Variants in DPP6 observed in about 807,000 individuals in gnomAD.
DPP6 encodes dipeptidyl peptidase like 6.
In DPP6, 69 loss-of-function variants were observed where a neutral mutation model predicts 122.6. The ratio of observed to expected loss-of-function variants is 0.56; its 90% CI spans 0.46 to 0.69. The LOEUF (loss-of-function observed/expected upper bound fraction) is 0.69. Ranked by LOEUF, DPP6 falls within the 30% of genes least tolerant of loss-of-function variation. DPP6 has a pLI of 0.00. For synonymous variants in DPP6, 418 were observed against 433.1 expected (o/e 0.97, Z 0.43); for missense variants, 928 against 1,116.9 (o/e 0.83, Z 2.41).
At chr7:154,759,940 GGT>G (rs1795422959) in intron 8 of DPP6, among the ~76,000 whole-genome samples, 1 of 152,202 alleles carries the variant, frequency 6.6e-6, no homozygotes, top group Non-Finnish European at 1.5e-5. Flanking sequence ...AGGCCAATAT[GGT>G]GAAACCCCAT....
chr7:154,396,341 A>G (rs1025022085), intron 1 of DPP6, among the ~76,000 whole-genome samples: 14 of 151,574 alleles, frequency 9.2e-5, no homozygotes, highest in African/African-American at 2.7e-4. Context: ...TTTAAACTCT[A>G]TTTAACTCCT....
intron 8 of DPP6, among the ~76,000 whole-genome samples, chr7:154,748,452 G>T (rs1587010458): frequency 1.3e-5 from 2 of 152,226 alleles, no homozygotes; most frequent in Admixed American, 1.3e-4. Context: ...TGCTCCTGGT[G>T]AGCTAGAGCC....
chr7:154,472,437 C>T (rs1420183765), intron 2 of DPP6, among the ~76,000 whole-genome samples: 1 of 134,836 alleles, frequency 7.4e-6, no homozygotes, highest in Non-Finnish European at 1.7e-5. Context: ...CAGCCTCTTT[C>T]CTTCAGCAAG....
At chr7:154,557,438 C>G (rs945223466) in intron 4 of DPP6, among the ~76,000 whole-genome samples, 2 of 152,164 alleles carry the variant, frequency 1.3e-5, no homozygotes, top group African/African-American at 4.8e-5. Flanking sequence ...TGTTGCCACT[C>G]TTGTAACAGC....
chr7:154,314,945 T>C (rs548628909), intron 1 of DPP6, among the ~76,000 whole-genome samples: 2 of 152,232 alleles, frequency 1.3e-5, no homozygotes, highest in East Asian at 3.9e-4. Flanking sequence ...TCAAACCTAC[T>C]GCGGTTTTTC....
rs146742986 is a variant in DPP6, at chr7:154,707,014, T to C, written c.763-20753T>C. ...TTAGATTATCTACAAGCATTTCTCT[T>C]TCTTGGCACTACACTCTGCCCTTTG... On this transcript the variant is annotated intron_variant, in intron 7 of 25. Transcript: ENST00000377770. Among the ~76,000 whole-genome samples the C allele has an allele frequency of 1.5e-3, 229 of 152,348 alleles. 2 individuals are homozygous for C. The highest frequency in any genetic ancestry group is 5.0e-3 in the African/African-American group (209 of 41,584).
At chr7:154,344,732 C>A (rs1586005866) in intron 1 of DPP6, among the ~76,000 whole-genome samples, 1 of 152,136 alleles carries the variant, frequency 6.6e-6, no homozygotes, top group East Asian at 1.9e-4. Context: ...ACTAAAAATA[C>A]AAAAAATTAG....
At chr7:154,692,001 T>C (rs1373716312) in intron 7 of DPP6, among the ~76,000 whole-genome samples, 3 of 119,980 alleles carry the variant, frequency 2.5e-5, no homozygotes, top group Admixed American at 8.7e-5. Flanking sequence ...CCTCACTGGA[T>C]TGATGATGTG....
intron 1 of DPP6, among the ~76,000 whole-genome samples, chr7:154,261,753 AG>A (rs751347700): frequency 5.3e-5 from 8 of 152,354 alleles, no homozygotes; most frequent in Non-Finnish European, 1.2e-4. Context: ...AATTCCCAAA[AG>A]AAGATATACA....
chr7:154,483,771 T>G lies in DPP6; in HGVS notation c.457+8734T>G, dbSNP rs191262917. On this transcript the variant is annotated intron_variant, in intron 3 of 25. Coordinates refer to ENST00000377770, the MANE Select transcript of DPP6 (RefSeq NM_130797.4). This position sits in a 1 kb window ranked among gnomAD's most constrained non-coding sequence, Gnocchi z 8.1. ...GTGCAGTGGCACAATCTTGGCTCAC[T>G]GCAACCTCCACCTCCCGGGTTCAAG... 2.0e-5 allele frequency among the ~76,000 whole-genome samples: 3 copies of G among 152,358 alleles called. No individual in the cohort carries two copies. Among genetic ancestry groups the G allele is most frequent in the East Asian group, 3.9e-4 (2 of 5,190 alleles).
chr7:154,678,340 G>C (rs1839058153), intron 7 of DPP6, among the ~76,000 whole-genome samples: 1 of 151,952 alleles, frequency 6.6e-6, no homozygotes, highest in South Asian at 2.1e-4. Flanking sequence ...CGCACTACGT[G>C]TATGAGCTGT....
chr7:154,145,178 C>T (rs1322302709), intron 1 of DPP6, among the ~76,000 whole-genome samples: 1 of 152,100 alleles, frequency 6.6e-6, no homozygotes, highest in Non-Finnish European at 1.5e-5. Context: ...TCTGGGTGGG[C>T]CTATTTAAAC....
chr7:154,348,576 G>C (rs1586016355), intron 1 of DPP6, among the ~76,000 whole-genome samples: 1 of 152,112 alleles, frequency 6.6e-6, no homozygotes, highest in Non-Finnish European at 1.5e-5. Flanking sequence ...CTCATGAAAG[G>C]TAGAAGATGA....
At chr7:154,232,647 G>T (rs1394553013) in intron 1 of DPP6, among the ~76,000 whole-genome samples, 2 of 152,202 alleles carry the variant, frequency 1.3e-5, no homozygotes, top group Non-Finnish European at 2.9e-5. Flanking sequence ...CTTTGCAGCA[G>T]GTCTCCATGT....
intron 1 of DPP6, among the ~76,000 whole-genome samples, chr7:154,398,111 G>A (rs888680226): frequency 2.0e-5 from 3 of 152,122 alleles, no homozygotes; most frequent in Admixed American, 6.5e-5. Flanking sequence ...AATGCGTCAG[G>A]GTGTGAGGTT....
intron 17 of DPP6, 67 bp downstream of exon 17, chr7:154,853,894 A>AG (rs1802606905): frequency 1.0e-5 from 16 of 1,593,620 alleles, no homozygotes; most frequent in Non-Finnish European, 1.4e-5. Flanking sequence ...ACACTCTATG[A>AG]GATCAGCTGG....
chr7:154,463,144 C>G, intron 2 of DPP6, among the ~76,000 whole-genome samples: 1 of 149,662 alleles, frequency 6.7e-6, no homozygotes, highest in East Asian at 2.0e-4. Context: ...TGTGGCTGAG[C>G]TGGTACCTAA....
chr7:154,113,297 A>G (rs1388205085), intron 1 of DPP6, among the ~76,000 whole-genome samples: 1 of 152,114 alleles, frequency 6.6e-6, no homozygotes, highest in East Asian at 1.9e-4. Context: ...AGGAAGCCTC[A>G]TACTGTATTC....
rs1024919801 is a variant in DPP6, at chr7:154,233,076, G to A, written c.243+180013G>A. Among the ~76,000 whole-genome samples the A allele has an allele frequency of 2.6e-5, 4 of 152,202 alleles. No individual in the cohort carries two copies. The East Asian group carries it at 5.8e-4, about 22-fold the overall frequency. On this transcript the variant is annotated intron_variant, in intron 1 of 25. Transcript: ENST00000377770. ...TTATTTCACTTAGAAGCTCACAAAT[G>A]AAACTGTTGACTCTAAGGAATAAAC...
Sources: gnomAD v4.1 joint callset for allele counts (sites outside exome capture counted in the v4.1 genomes callset) on GRCh38, gnomAD v4.1.1 for gene constraint, Gnocchi (gnomAD v3.1) non-coding constraint, MANE v1.5 for transcripts, NCBI Gene and HGNC (gene_info 2026-07-23, HGNC 2026-07-21) for gene names.